MAP3K20: variants seen among roughly 807,000 people sequenced by gnomAD.
MAP3K20 encodes HCCS-4.
In MAP3K20, 40 loss-of-function variants were observed where a neutral mutation model predicts 85.7. That is an observed-to-expected ratio of 0.47 (90% CI 0.36 to 0.61). MAP3K20 has a LOEUF of 0.61. Among genes scored for constraint, MAP3K20 ranks in the 20% least tolerant of loss-of-function variants. The pLI, the probability that MAP3K20 is intolerant of heterozygous loss-of-function variation, is 0.00. For synonymous variants in MAP3K20, 325 were observed against 327.7 expected (o/e 0.99, Z 0.09); for missense variants, 817 against 961.7 (o/e 0.85, Z 1.99).
chr2:173,241,236 G>A (rs1684772892), intron 16 of MAP3K20, among the ~76,000 whole-genome samples: 1 of 152,236 alleles, frequency 6.6e-6, no homozygotes, highest in South Asian at 2.1e-4. Flanking sequence ...AGTGGAACTG[G>A]GATGTCCGTA....
intron 14 of MAP3K20, among the ~76,000 whole-genome samples, chr2:173,237,272 C>T (rs149734799): frequency 0.015 from 2,307 of 152,024 alleles, 69 homozygotes; most frequent in African/African-American, 0.053. Flanking sequence ...CATGATCCGC[C>T]CACCTCAGCA....
chr2:173,218,884 G>T (rs748298443), intron 11 of MAP3K20, among the ~76,000 whole-genome samples: 2 of 152,094 alleles, frequency 1.3e-5, no homozygotes, highest in Admixed American at 6.6e-5. Context: ...CTGTGTGCTC[G>T]GTAGGTTGCC....
chr2:173,157,976 A>C (rs1210022889), intron 2 of MAP3K20, among the ~76,000 whole-genome samples: 1 of 152,228 alleles, frequency 6.6e-6, no homozygotes, highest in Non-Finnish European at 1.5e-5. Flanking sequence ...TTCTGTATTC[A>C]AATTAGGTTT....
intron 11 of MAP3K20, among the ~76,000 whole-genome samples, chr2:173,228,173 T>C (rs779920650): frequency 2.4e-4 from 36 of 152,202 alleles, no homozygotes; most frequent in Admixed American, 6.5e-5. Flanking sequence ...TCCTGACAAC[T>C]TGTCTATAAA....
intron 1 of MAP3K20, among the ~76,000 whole-genome samples, chr2:173,080,719 T>TA (rs1381431945): frequency 6.6e-6 from 1 of 152,218 alleles, no homozygotes; most frequent in Non-Finnish European, 1.5e-5. Flanking sequence ...AGGCTTGCCT[T>TA]TGGTACCCTG....
chr2:173,098,360 A>C (rs561243292), intron 2 of MAP3K20, among the ~76,000 whole-genome samples: 14 of 152,298 alleles, frequency 9.2e-5, no homozygotes, highest in African/African-American at 3.1e-4. Flanking sequence ...CAAAATCACA[A>C]ACTTTTTGAG....
At chr2:173,082,583 G>A (rs897777695) in intron 1 of MAP3K20, among the ~76,000 whole-genome samples, 4 of 152,224 alleles carry the variant, frequency 2.6e-5, no homozygotes, top group Non-Finnish European at 5.9e-5. Flanking sequence ...GGGCAGGATA[G>A]GTGGGAGGTA....
At chr2:173,247,631 T>C (rs542034921) in intron 16 of MAP3K20, among the ~76,000 whole-genome samples, 6 of 152,224 alleles carry the variant, frequency 3.9e-5, no homozygotes, top group Non-Finnish European at 7.3e-5. Context: ...CTGTACAGCA[T>C]AGTATCTACA....
chr2:173,221,201 A>G, intron 11 of MAP3K20: 1 of 1,583,602 alleles, frequency 6.3e-7, no homozygotes, highest in Non-Finnish European at 8.6e-7. Context: ...CTTTGAATCT[A>G]AAACAGAGGA....
intron 2 of MAP3K20, among the ~76,000 whole-genome samples, chr2:173,122,709 A>G (rs748087641): frequency 1.3e-5 from 2 of 152,190 alleles, no homozygotes; most frequent in African/African-American, 2.4e-5. Flanking sequence ...AGTAAACTGC[A>G]TACTGATTTC....
chr2:173,156,645 T>C (rs974399952), intron 2 of MAP3K20, among the ~76,000 whole-genome samples: 3 of 152,174 alleles, frequency 2.0e-5, no homozygotes, highest in Non-Finnish European at 4.4e-5. Flanking sequence ...CCTCTGAGAA[T>C]CTAATGCTGC....
At chr2:173,204,624 G>A (rs149552784) in intron 9 of MAP3K20, among the ~76,000 whole-genome samples, 2 of 152,246 alleles carry the variant, frequency 1.3e-5, no homozygotes, top group African/African-American at 2.4e-5. Context: ...ATATGGAAAT[G>A]TTTACAGATG....
chr2:173,167,730 C>T (rs1301638200), intron 2 of MAP3K20, among the ~76,000 whole-genome samples: 2 of 152,150 alleles, frequency 1.3e-5, no homozygotes, highest in African/African-American at 4.8e-5. Context: ...CAAGATATCA[C>T]TTGGCAATAT....
intron 16 of MAP3K20, among the ~76,000 whole-genome samples, chr2:173,243,976 G>A (rs960699888): frequency 6.6e-6 from 1 of 152,200 alleles, no homozygotes; most frequent in Non-Finnish European, 1.5e-5. Flanking sequence ...AGGATGAATT[G>A]GAAAGGGGCC....
In MAP3K20 at chr2:173,266,122, A is replaced by G. The variant is rs1685413796; in HGVS notation, c.1775A>G (p.Gln592Arg). The G allele has an allele frequency of 1.2e-6, 2 of 1,612,398 alleles. No individual in the cohort carries two copies. The highest frequency in any genetic ancestry group is 1.7e-6 in the Non-Finnish European group (2 of 1,179,364). Residue 592 changes from glutamine to arginine, a missense_variant, in exon 20 of 20, where the codon CAG becomes CGG. Physicochemically the swap from Gln to Arg is conservative, Grantham distance 43. Coordinates refer to ENST00000375213, the MANE Select transcript of MAP3K20 (RefSeq NM_016653.3). ...TCCAACACTTCTTTACAGCGTTCCC[A>G]GAGCAATCCTATTCTGGGGTCACCG... ...IASNTSLQRSQSNPILGSPFF... is the reference protein window; with the variant it reads ...IASNTSLQRSRSNPILGSPFF...
At chr2:173,087,723 T>G (rs893830021) in intron 1 of MAP3K20, among the ~76,000 whole-genome samples, 4 of 152,174 alleles carry the variant, frequency 2.6e-5, no homozygotes, top group African/African-American at 7.2e-5. Flanking sequence ...ACTTTCAAAA[T>G]TATATGGAAA....
intron 7 of MAP3K20, among the ~76,000 whole-genome samples, chr2:173,192,517 A>G (rs1273849018): frequency 6.6e-6 from 1 of 152,222 alleles, no homozygotes; most frequent in Non-Finnish European, 1.5e-5. Flanking sequence ...ATCCAAAAAA[A>G]GAAAAAAAAT....
At chr2:173,102,667 G>T (rs1168101967) in intron 2 of MAP3K20, among the ~76,000 whole-genome samples, 1 of 152,194 alleles carries the variant, frequency 6.6e-6, no homozygotes, top group Admixed American at 6.5e-5. Flanking sequence ...TGTTAAAGAG[G>T]GAGGAGACTG....
intron 2 of MAP3K20, among the ~76,000 whole-genome samples, chr2:173,129,018 G>GGTT (rs1308807731): frequency 1.7e-4 from 26 of 148,992 alleles, no homozygotes; most frequent in Non-Finnish European, 3.0e-5. Flanking sequence ...CTGCCTCCTG[G>GGTT]GTTCAAGCGA....
Sources: allele counts gnomAD v4.1 joint callset (sites outside exome capture counted in the v4.1 genomes callset), GRCh38; gene constraint gnomAD v4.1.1; transcripts MANE v1.5; gene names NCBI Gene and HGNC (gene_info 2026-07-23, HGNC 2026-07-21).